The following ADGRB3 variants were observed in gnomAD, a reference collection of about 807,000 sequenced individuals.
The protein encoded by ADGRB3 is brain-specific angiogenesis inhibitor 3.
A neutral mutation model predicts 193.4 loss-of-function variants in ADGRB3; 37 were observed. The ratio of observed to expected loss-of-function variants is 0.19; its 90% confidence interval spans 0.15 to 0.25. The LOEUF (loss-of-function observed/expected upper bound fraction) is 0.25. Among genes scored for constraint, ADGRB3 ranks in the 10% least tolerant of loss-of-function variants. The pLI, the probability that ADGRB3 is intolerant of heterozygous loss-of-function variation, is 1.00. For synonymous variants in ADGRB3, 690 were observed against 644.2 expected (o/e 1.07, Z -1.08); for missense variants, 1,637 against 1,852.9 (o/e 0.88, Z 2.14).
chr6:68,793,689 C>T (rs775738728), intron 3 of ADGRB3, among the ~76,000 whole-genome samples: 3 of 151,996 alleles, frequency 2.0e-5, no homozygotes, highest in African/African-American at 4.8e-5. Flanking sequence ...CCACCATGCT[C>T]GGCTAATTTT....
intron 20 of ADGRB3, among the ~76,000 whole-genome samples, chr6:69,302,451 A>G (rs540852289): frequency 1.8e-4 from 27 of 152,068 alleles, no homozygotes; most frequent in Middle Eastern, 6.8e-3. Context: ...GTAAGGGATT[A>G]TCTTTTAAAA....
intron 3 of ADGRB3, among the ~76,000 whole-genome samples, chr6:68,674,266 A>G (rs1375093908): frequency 6.6e-6 from 1 of 152,154 alleles, no homozygotes; most frequent in Non-Finnish European, 1.5e-5. Context: ...ATTTTAGGTA[A>G]TAACATGAAT....
intron 3 of ADGRB3, among the ~76,000 whole-genome samples, chr6:68,863,313 C>G (rs1019661663): frequency 2.0e-5 from 3 of 151,868 alleles, no homozygotes; most frequent in Non-Finnish European, 2.9e-5. Context: ...AGTAAAGTTA[C>G]CATATATATG....
intron 17 of ADGRB3, among the ~76,000 whole-genome samples, chr6:69,191,745 C>G (rs1765192142): frequency 6.6e-6 from 1 of 151,986 alleles, no homozygotes; most frequent in African/African-American, 2.4e-5. Context: ...TGTAAATAAG[C>G]AAGACAGAGC....
intron 4 of ADGRB3, among the ~76,000 whole-genome samples, chr6:68,934,203 CA>C (rs974501130): frequency 9.2e-5 from 14 of 152,048 alleles, no homozygotes; most frequent in Non-Finnish European, 1.8e-4. Flanking sequence ...AATTTTAATT[CA>C]AAATCTGAAA....
intron 17 of ADGRB3, among the ~76,000 whole-genome samples, chr6:69,079,372 A>G (rs1374610523): frequency 6.6e-6 from 1 of 152,100 alleles, no homozygotes; most frequent in East Asian, 1.9e-4. Context: ...ATAAAATTCA[A>G]CACCCCTTCA....
At chr6:68,812,846 C>A (rs1767542928) in intron 3 of ADGRB3, among the ~76,000 whole-genome samples, 1 of 151,530 alleles carries the variant, frequency 6.6e-6, no homozygotes, top group Admixed American at 6.6e-5. Flanking sequence ...CCCCACAGGC[C>A]CCAGTGTGTG....
Position 69,052,178 on chromosome 6 carries a change from G to A in ADGRB3, c.2333+2832G>A, listed in dbSNP as rs773701195. Among the ~76,000 whole-genome samples, 6 of 152,130 alleles carry A rather than the reference G, an allele frequency of 3.9e-5. No homozygotes were observed. In the East Asian group the frequency reaches 5.8e-4, roughly 15 times the overall value. The stretch of plus-strand genomic sequence containing the variant: ...GCTGAGATTGCAGGCATGAGCCACC[G>A]CAGTAATAATTAATTTTTCTATCTG... On this transcript the variant is annotated intron_variant, in intron 15 of 31. Coordinates refer to ENST00000370598, the MANE Select transcript of ADGRB3 (RefSeq NM_001704.3).
chr6:68,699,434 AG>A (rs1423596283), intron 3 of ADGRB3, among the ~76,000 whole-genome samples: 2 of 152,118 alleles, frequency 1.3e-5, no homozygotes, highest in African/African-American at 2.4e-5. Flanking sequence ...TACTGGCAGA[AG>A]GGGAGAAACT....
rs1042105573 is a variant in ADGRB3, at chr6:68,731,069, G to A, written c.757+91637G>A. 2.0e-5 allele frequency among the ~76,000 whole-genome samples: 3 copies of A among 151,440 alleles called. 1 individual carries two copies. In the South Asian group the frequency reaches 6.2e-4, roughly 31 times the overall value. ...CAAGCAAGTCTAATGTGTTTGAGTA[G>A]GTTTGAGAAAATATAGGAAAGAAAT... is the stretch of plus-strand genomic sequence containing the variant. On this transcript the variant is annotated intron_variant, in intron 3 of 31. Transcript: ENST00000370598.
At chr6:69,210,149 C>CATATATATATATATATATATATGATATAT (rs58586306) in intron 17 of ADGRB3, among the ~76,000 whole-genome samples, 2 of 78,940 alleles carry the variant, frequency 2.5e-5, no homozygotes, top group Admixed American at 2.6e-4. Context: ...TAATATATAT[C>CATATATATATATATATATATATGATATAT]ATATATATAT....
chr6:69,050,980 A>T (rs764817991), intron 15 of ADGRB3, among the ~76,000 whole-genome samples: 1 of 152,072 alleles, frequency 6.6e-6, no homozygotes, highest in Admixed American at 6.6e-5. Context: ...GCACTCACTC[A>T]CCTACACAAA....
At chr6:68,956,299 ATATG>A in intron 7 of ADGRB3, 111 bp downstream of exon 7, 6 of 929,442 alleles carry the variant, frequency 6.5e-6, no homozygotes, top group South Asian at 2.1e-5. Context: ...CATTATATAT[ATATG>A]TGTGTGTGTG....
chr6:69,046,008 A>T (rs1233147260), intron 13 of ADGRB3, among the ~76,000 whole-genome samples: 1 of 152,170 alleles, frequency 6.6e-6, no homozygotes, highest in Non-Finnish European at 1.5e-5. Flanking sequence ...TGCATGTACA[A>T]CTATATCAAT....
chr6:69,106,265 T>C (rs1030092780), intron 17 of ADGRB3, among the ~76,000 whole-genome samples: 2 of 152,032 alleles, frequency 1.3e-5, no homozygotes, highest in African/African-American at 2.4e-5. Flanking sequence ...GTTATATTTT[T>C]ATGTTACATT....
intron 17 of ADGRB3, among the ~76,000 whole-genome samples, chr6:69,174,848 C>G (rs1163091655): frequency 1.3e-5 from 2 of 152,208 alleles, no homozygotes; most frequent in Admixed American, 6.5e-5. Flanking sequence ...TTGCAGCTCT[C>G]TGTTCATAAG....
intron 3 of ADGRB3, among the ~76,000 whole-genome samples, chr6:68,705,072 A>G (rs557273066): frequency 1.7e-4 from 26 of 152,308 alleles, no homozygotes; most frequent in African/African-American, 5.8e-4. Context: ...TTGTTTTTCT[A>G]GAATGTTCTT....
intron 17 of ADGRB3, among the ~76,000 whole-genome samples, chr6:69,179,513 G>C (rs1437694370): frequency 6.6e-6 from 1 of 152,122 alleles, no homozygotes; most frequent in Non-Finnish European, 1.5e-5. Context: ...ACCATTGCTG[G>C]AGAGCTCATG....
chr6:68,882,074 C>T (rs1765749053), intron 3 of ADGRB3, among the ~76,000 whole-genome samples: 1 of 152,060 alleles, frequency 6.6e-6, no homozygotes, highest in African/African-American at 2.4e-5. Context: ...TTTATGTTCT[C>T]TTAAAGGTTA....
Sources: gnomAD v4.1 joint callset for allele counts (sites outside exome capture counted in the v4.1 genomes callset) on GRCh38, gnomAD v4.1.1 for gene constraint, MANE v1.5 for transcripts, NCBI Gene and HGNC (gene_info 2026-07-23, HGNC 2026-07-21) for gene names.